Variants in SFXN4 observed in about 807,000 individuals in gnomAD.
The protein encoded by SFXN4 is sideroflexin 4.
In SFXN4, 48 loss-of-function variants were observed where a neutral mutation model predicts 54.6. The observed-to-expected ratio is 0.88, with a 90% CI of 0.70 to 1.12. SFXN4 has a LOEUF of 1.12. Among genes scored for constraint, SFXN4 ranks in the 50% most tolerant of loss-of-function variants. The pLI, the probability that SFXN4 is intolerant of heterozygous loss-of-function variation, is 0.00. For synonymous variants in SFXN4, 130 were observed against 145.5 expected (o/e 0.89, Z 0.77); for missense variants, 383 against 409.2 (o/e 0.94, Z 0.55).
chr10:119,162,968 T>C (rs1203744685), intron 2 of SFXN4, among the ~76,000 whole-genome samples: 3 of 152,162 alleles, frequency 2.0e-5, no homozygotes, highest in Non-Finnish European at 4.4e-5. Context: ...GCTAACTTTC[T>C]ATTTTTATTT....
Position 119,155,063 on chromosome 10 carries a change from T to G in SFXN4, c.731A>C (p.Lys244Thr), listed in dbSNP as rs748109187. ...CTATAGCTTCATCCTGTCTCTTACC[T>G]TTGTCCCAGCAATTCTGGAATGACC... is the stretch of plus-strand genomic sequence containing the variant. The part of the protein sequence containing the change: ...VLGHSRIAGT[K>T]AVRETLASRI... Residue 244 changes from lysine (K) to threonine (T), a missense_variant and splice_region_variant, in exon 11 of 14, where the codon AAG becomes ACG. Lys to Thr is a moderately conservative substitution (Grantham distance 78). Coordinates refer to ENST00000355697, the MANE Select transcript of SFXN4 (RefSeq NM_213649.2). The G allele has an allele frequency of 6.2e-7, 1 of 1,610,528 alleles. No individual in the cohort carries two copies. Among genetic ancestry groups the G allele is most frequent in the Non-Finnish European group, 8.5e-7 (1 of 1,176,688 alleles).
At position 119,141,265 on chromosome 10, in the gene SFXN4, T is replaced by G; in HGVS notation, c.991A>C (p.Ile331Leu). The G allele has an allele frequency of 6.2e-7, 1 of 1,612,204 alleles. No individual in the cohort carries two copies. Residue 331 changes from isoleucine (I) to leucine (L), a missense_variant, in exon 14 of 14, where the codon ATC (isoleucine) becomes CTC (leucine). Physicochemically the swap from Ile to Leu is conservative, Grantham distance 5. Transcript: ENST00000355697. ...KIQSPTEETE[I>L]FYHRGV ...GCCTACACCCCTCTGTGATAAAAGA[T>G]TTCTGTTTCTTCTGTTGGAGACTGA...
At chr10:119,150,701 TA>T (rs1254328685) in intron 11 of SFXN4, among the ~76,000 whole-genome samples, 5 of 151,978 alleles carry the variant, frequency 3.3e-5, no homozygotes, top group East Asian at 3.9e-4. Context: ...TAAACGAACT[TA>T]AAAAAATGTG....
rs746672598 is a variant in SFXN4, at chr10:119,160,955, G to A, written c.294C>T (p.Pro98=). The A allele has an allele frequency of 2.2e-5, 35 of 1,613,958 alleles. No individual in the cohort carries two copies. The South Asian group carries it at 2.9e-4, about 13-fold the overall frequency. The change falls in exon 5 of 14, where the codon CCC becomes CCT. Residue 98 remains proline, a synonymous_variant. Coordinates refer to ENST00000355697, the MANE Select transcript of SFXN4 (RefSeq NM_213649.2). ...AWKRSLATVH[P]DSSNLIPKLF... is the part of the protein sequence containing the mutation. ...GCTTGGGGATCAGGTTGCTGCTGTC[G>A]GGATGCACTGTTGCCTTCAAAAGGA...
intron 13 of SFXN4, among the ~76,000 whole-genome samples, chr10:119,144,903 A>G (rs946557344): frequency 6.6e-6 from 1 of 152,166 alleles, no homozygotes; most frequent in African/African-American, 2.4e-5. Flanking sequence ...ATTATAGAAC[A>G]TTTCCATCAC....
At position 119,155,085 on chromosome 10, in the gene SFXN4, G is replaced by A; in HGVS notation, c.709C>T (p.His237Tyr). ...VMDKEGNVLG[H>Y]SRIAGTKAVR... ...ACCTTTGTCCCAGCAATTCTGGAAT[G>A]ACCCAGGACATTGCCTTCCTTGTCC... The change falls in exon 11 of 14, where the codon CAT (histidine) becomes TAT (tyrosine). Residue 237 changes from histidine (H) to tyrosine (Y), a missense_variant. Physicochemically the swap from His to Tyr is moderately conservative, Grantham distance 83. Coordinates refer to ENST00000355697, the MANE Select transcript of SFXN4 (RefSeq NM_213649.2). 6.2e-7 allele frequency: 1 copy of A among 1,613,862 alleles called. No individual in the cohort carries two copies. The highest frequency in any genetic ancestry group is 8.5e-7 in the Non-Finnish European group (1 of 1,179,700).
chr10:119,162,175 A>G (rs1308456895), intron 3 of SFXN4, 165 bp downstream of exon 3: 2 of 628,724 alleles, frequency 3.2e-6, no homozygotes, highest in African/African-American at 3.7e-5. Flanking sequence ...GCAGTATATA[A>G]CAATGACAGC....
chr10:119,165,335 G>C, intron 1 of SFXN4: 1 of 1,295,962 alleles, frequency 7.7e-7, no homozygotes. Flanking sequence ...TGGGCATCTG[G>C]CAGCTTCGAT....
chr10:119,156,687 T>C lies in SFXN4; in HGVS notation c.607A>G (p.Ile203Val), dbSNP rs1330913846. Residue 203 changes from isoleucine (I) to valine (V), a missense_variant, in exon 10 of 14, where the codon ATC becomes GTC. Ile to Val is a conservative substitution (Grantham distance 29, BLOSUM62 3). Transcript: ENST00000355697. ...GPWIKRLLPV[I>V]FLVQASGMNV... ...AGCCCTTCCTGCTCACCGAGGAAGA[T>C]CACAGGTAAGAGTCTTTTAATCCAA... The C allele has an allele frequency of 6.2e-7, 1 of 1,609,918 alleles. No individual in the cohort carries two copies. Among genetic ancestry groups the C allele is most frequent in the South Asian group, 1.1e-5 (1 of 90,282 alleles).
intron 3 of SFXN4, among the ~76,000 whole-genome samples, chr10:119,161,864 T>C (rs1361065761): frequency 6.6e-6 from 1 of 152,156 alleles, no homozygotes; most frequent in Non-Finnish European, 1.5e-5. Context: ...ATATGTGAGC[T>C]CTCCATAGGC....
At chr10:119,163,590 C>T (rs181463245) in intron 2 of SFXN4, among the ~76,000 whole-genome samples, 2 of 151,810 alleles carry the variant, frequency 1.3e-5, no homozygotes, top group African/African-American at 2.4e-5. Context: ...TTAGTAGAGA[C>T]GTCGGTTTCA....
intron 2 of SFXN4, among the ~76,000 whole-genome samples, chr10:119,163,810 C>T (rs975101443): frequency 4.6e-5 from 7 of 151,794 alleles, no homozygotes; most frequent in Admixed American, 6.6e-5. Context: ...AAAAGGGACA[C>T]GTGGGCAGGG....
In SFXN4 at chr10:119,161,072, C is replaced by T; in HGVS notation, c.262G>A (p.Ala88Thr). The change falls in exon 4 of 14, where the codon GCT becomes ACT. Residue 88 changes from alanine to threonine, a missense_variant. Ala to Thr is a moderately conservative substitution (Grantham distance 58). Transcript: ENST00000355697. ...AAACTTACAAGACTCCGCTTCCAAG[C>T]TTCTTGTATCTTAAAGGAGAAAAAA... is the stretch of plus-strand genomic sequence containing the variant. ...PASADQRIQE[A>T]WKRSLATVHP... 1 of 1,614,060 alleles carries T rather than the reference C, an allele frequency of 6.2e-7. No individual in the cohort carries two copies. The highest frequency in any genetic ancestry group is 8.5e-7 in the Non-Finnish European group (1 of 1,179,954).
At chr10:119,159,864 G>C in intron 5 of SFXN4, 111 bp from the exon 6 acceptor site, 1 of 1,101,314 alleles carries the variant, frequency 9.1e-7, no homozygotes, top group Non-Finnish European at 1.4e-6. Context: ...AGAAGGCACA[G>C]ACCTCAAAGG....
At chr10:119,141,928 G>A (rs912582325) in intron 13 of SFXN4, among the ~76,000 whole-genome samples, 24 of 152,112 alleles carry the variant, frequency 1.6e-4, no homozygotes, top group African/African-American at 5.6e-4. Flanking sequence ...TGAGGCACGA[G>A]AATCACTTGA....
rs551384877 is a variant in SFXN4 at position 119,160,676 on chromosome 10, G to A, written c.334+239C>T. On this transcript the variant is annotated intron_variant, in intron 5 of 13. Coordinates refer to ENST00000355697, the MANE Select transcript of SFXN4 (RefSeq NM_213649.2). ...ATGATCTCAGCTCACTGCAACCTCC[G>A]GCTCCCGGGTTCAAGTTCAAGCAAT... Among the ~76,000 whole-genome samples the A allele has an allele frequency of 1.2e-4, 18 of 146,294 alleles. 1 individual carries two copies. In the South Asian group the frequency reaches 1.5e-3, roughly 13 times the overall value.
In SFXN4 at chr10:119,153,356, C is replaced by G. The variant is rs1298088591; in HGVS notation, c.732+1706G>C. Among the ~76,000 whole-genome samples, 31 of 138,072 alleles carry G rather than the reference C, an allele frequency of 2.2e-4. No homozygotes were observed. In the South Asian group the frequency reaches 3.8e-3, roughly 17 times the overall value. 90.6% of individuals were successfully genotyped at this position (138,072 alleles called of 152,430 possible). A position where few individuals can be genotyped will look rare whatever the true frequency, so the allele number is the denominator to read the frequency against. The stretch of plus-strand genomic sequence containing the variant: ...AGCCTGGGAGGTTGAGGCTGTAGAG[C>G]CGTGATCACACCATTGCACTCCAGC... On this transcript the variant is annotated intron_variant, in intron 11 of 13. Transcript: ENST00000355697.
chr10:119,144,090 T>C, intron 13 of SFXN4, among the ~76,000 whole-genome samples: 1 of 152,332 alleles, frequency 6.6e-6, no homozygotes, highest in Non-Finnish European at 1.5e-5. Flanking sequence ...GATCATTCCA[T>C]AAATATAAAT....
intron 11 of SFXN4, among the ~76,000 whole-genome samples, chr10:119,152,588 C>T (rs1321355475): frequency 6.6e-6 from 1 of 152,106 alleles, no homozygotes; most frequent in Non-Finnish European, 1.5e-5. Flanking sequence ...TATTTTCTTA[C>T]TGGCAGCAAT....
Sources: gnomAD v4.1 joint callset for allele counts (sites outside exome capture counted in the v4.1 genomes callset) on GRCh38, gnomAD v4.1.1 for gene constraint, MANE v1.5 for transcripts, NCBI Gene and HGNC (gene_info 2026-07-23, HGNC 2026-07-21) for gene names.